MTUS2: variants seen among roughly 807,000 people sequenced by gnomAD.
MTUS2 encodes the protein microtubule associated scaffold protein 2.
A neutral mutation model predicts 114.1 loss-of-function variants in MTUS2; 40 were observed. The ratio of observed to expected loss-of-function variants is 0.35; its 90% CI spans 0.27 to 0.46. MTUS2 has a LOEUF of 0.46. Ranked by LOEUF, MTUS2 falls within the 20% of genes least tolerant of loss-of-function variation. The probability of loss-of-function intolerance (pLI) is 1.00; values close to 1 mark genes in which losing one functional copy is unlikely to be tolerated. For synonymous variants in MTUS2, 688 were observed against 672.0 expected, an observed-to-expected ratio of 1.02 and a Z score of -0.37; for missense variants, 1,679 against 1,705.4, an observed-to-expected ratio of 0.98 and a Z score of 0.27.
intron 2 of MTUS2, among the ~76,000 whole-genome samples, chr13:28,911,407 C>G (rs922205011): frequency 6.6e-6 from 1 of 151,982 alleles, no homozygotes; most frequent in Admixed American, 6.6e-5. Context: ...ATCTCCTGAC[C>G]TCGTGATCCA....
rs1474742610 is a variant in MTUS2 at position 28,996,211 on chromosome 13, C to T, written c.-242-28246C>T. Among the ~76,000 whole-genome samples the T allele has an allele frequency of 4.6e-5, 7 of 152,186 alleles. No individual in the cohort carries two copies. In the East Asian group the frequency reaches 1.2e-3, roughly 25 times the overall value. ...ATGCTGGATTACATTTATTGATTTT[C>T]GTATGTTGAACCAGCCTCGCATCCC... On this transcript the variant is annotated intron_variant, in intron 2 of 15. Coordinates refer to ENST00000612955, the MANE Select transcript of MTUS2 (RefSeq NM_001033602.4).
chr13:29,460,169 A>T (rs1051313822), intron 9 of MTUS2, among the ~76,000 whole-genome samples: 1 of 152,220 alleles, frequency 6.6e-6, no homozygotes, highest in Non-Finnish European at 1.5e-5. Context: ...GCTCAGAGAA[A>T]CAGTCAATTG....
At chr13:29,061,737 G>T (rs1888430083) in intron 4 of MTUS2, among the ~76,000 whole-genome samples, 1 of 152,200 alleles carries the variant, frequency 6.6e-6, no homozygotes, top group African/African-American at 2.4e-5. Flanking sequence ...CTTCCCTGAG[G>T]ATCATAGCCC....
intron 5 of MTUS2, among the ~76,000 whole-genome samples, chr13:29,232,283 C>T (rs923072876): frequency 1.2e-4 from 5 of 43,400 alleles, no homozygotes; most frequent in Non-Finnish European, 1.7e-4. Context: ...TACATACACA[C>T]ACACACACAC....
intron 5 of MTUS2, among the ~76,000 whole-genome samples, chr13:29,257,347 C>T (rs1897313099): frequency 6.6e-6 from 1 of 152,212 alleles, no homozygotes; most frequent in Admixed American, 6.5e-5. Flanking sequence ...TTTGGTGCCT[C>T]AGAGCAAGAT....
Position 29,182,402 on chromosome 13 carries a change from T to C in MTUS2, c.2644+81432T>C, listed in dbSNP as rs556160242. Among the ~76,000 whole-genome samples the C allele has an allele frequency of 2.6e-5, 4 of 152,392 alleles. No homozygotes were observed. The South Asian group carries it at 6.2e-4, about 24-fold the overall frequency. ...AATGTCTAAGGCATTCATAACTGCA[T>C]GTGTAACATGTACGTAGTTTAGTAA... On this transcript the variant is annotated intron_variant, in intron 5 of 15. Coordinates refer to ENST00000612955, the MANE Select transcript of MTUS2 (RefSeq NM_001033602.4).
chr13:29,358,089 G>C (rs566605471), intron 7 of MTUS2, among the ~76,000 whole-genome samples: 1 of 152,272 alleles, frequency 6.6e-6, no homozygotes, highest in South Asian at 2.1e-4. Context: ...ATTTATGATT[G>C]TGCTGGTCAG....
intron 5 of MTUS2, among the ~76,000 whole-genome samples, chr13:29,120,183 C>CA (rs1424667727): frequency 6.6e-6 from 1 of 151,912 alleles, no homozygotes; most frequent in African/African-American, 2.4e-5. Flanking sequence ...ACACTGAGGT[C>CA]AAAATCACAA....
chr13:29,353,249 A>G (rs1417532125), intron 7 of MTUS2, among the ~76,000 whole-genome samples: 1 of 152,164 alleles, frequency 6.6e-6, no homozygotes, highest in African/African-American at 2.4e-5. Context: ...ATCTCATTGC[A>G]GCCTCAACTT....
intron 8 of MTUS2, among the ~76,000 whole-genome samples, chr13:29,392,127 C>CAA (rs67050496): frequency 0.68 from 81,004 of 118,536 alleles, 28,108 homozygotes; most frequent in East Asian, 0.79. Flanking sequence ...GACTCTGTCT[C>CAA]AAAAAAAAAA....
At chr13:29,353,922 G>C (rs1392692351) in intron 7 of MTUS2, among the ~76,000 whole-genome samples, 1 of 152,144 alleles carries the variant, frequency 6.6e-6, no homozygotes, top group African/African-American at 2.4e-5. Context: ...GCACTGATCA[G>C]AATCTGGCTG....
At chr13:29,424,888 C>T (rs1339300791) in intron 8 of MTUS2, among the ~76,000 whole-genome samples, 30 of 152,192 alleles carry the variant, frequency 2.0e-4, no homozygotes, top group Admixed American at 6.5e-5. Flanking sequence ...ATACTTAAAA[C>T]CTGATGTAAT....
chr13:28,823,070 A>G (rs1200486061), intron 1 of MTUS2, among the ~76,000 whole-genome samples: 1 of 151,964 alleles, frequency 6.6e-6, no homozygotes, highest in Non-Finnish European at 1.5e-5. Context: ...AAAGTGGGTT[A>G]AAGCTCTTCC....
Position 29,321,422 on chromosome 13 carries a change from A to T in MTUS2, c.2807-3191A>T, listed in dbSNP as rs146947780. 2.6e-4 allele frequency among the ~76,000 whole-genome samples: 40 copies of T among 152,154 alleles called. No homozygotes were observed. The East Asian group carries it at 6.7e-3, about 26-fold the overall frequency. Reference sequence around the variant, plus strand: ...GACATTTAGGCTGAGTCTAGATTGTAAAAAAAATGGCAAGAAGAACAGAAG... The same window carrying T: ...GACATTTAGGCTGAGTCTAGATTGTTAAAAAAATGGCAAGAAGAACAGAAG... On this transcript the variant is annotated intron_variant, in intron 6 of 15. Transcript: ENST00000612955.
At chr13:29,249,765 A>G (rs1436411911) in intron 5 of MTUS2, among the ~76,000 whole-genome samples, 1 of 152,092 alleles carries the variant, frequency 6.6e-6, no homozygotes, top group East Asian at 1.9e-4. Flanking sequence ...TTGCCTGTTC[A>G]CTCTGATACT....
intron 10 of MTUS2, among the ~76,000 whole-genome samples, chr13:29,486,408 G>A (rs535102325): frequency 2.0e-5 from 3 of 152,256 alleles, no homozygotes; most frequent in African/African-American, 4.8e-5. Context: ...ATATCCTCAC[G>A]TGTCAACTTC....
rs761256696 is a variant in MTUS2, at chr13:29,504,422, G to T, written c.*1216G>T. 8.6e-6 allele frequency: 2 copies of T among 232,450 alleles called. No individual in the cohort carries two copies. The highest frequency in any genetic ancestry group is 1.7e-5 in the Non-Finnish European group (2 of 117,518). The allele number at this position is 232,450 out of a possible 1,614,324, so 14.4% of individuals were successfully genotyped here. ...AAAAAAACACCATTTCTGTCCCGGG[G>T]GACCAGTTCTGAGCTGTGCTAGATC... On this transcript the variant is annotated 3_prime_UTR_variant, in exon 16 of 16. Coordinates refer to ENST00000612955, the MANE Select transcript of MTUS2 (RefSeq NM_001033602.4).
intron 5 of MTUS2, among the ~76,000 whole-genome samples, chr13:29,116,635 C>T (rs1041842415): frequency 6.6e-6 from 1 of 152,138 alleles, no homozygotes; most frequent in Non-Finnish European, 1.5e-5. Flanking sequence ...GCCAGCCCGT[C>T]ACTCTTCTTG....
chr13:28,876,411 A>G (rs555380331), intron 2 of MTUS2, among the ~76,000 whole-genome samples: 3 of 152,320 alleles, frequency 2.0e-5, no homozygotes, highest in Non-Finnish European at 4.4e-5. Flanking sequence ...GGGTTCCCGC[A>G]TGACATCATC....
Sources: gnomAD v4.1 joint callset for allele counts (sites outside exome capture counted in the v4.1 genomes callset) on GRCh38, gnomAD v4.1.1 for gene constraint, MANE v1.5 for transcripts, NCBI Gene and HGNC (gene_info 2026-07-23, HGNC 2026-07-21) for gene names.